The following SYCP2 variants were observed in gnomAD, a reference collection of about 807,000 sequenced individuals.
SYCP2 encodes the protein synaptonemal complex protein 2.
In SYCP2, 55 loss-of-function variants were observed where a neutral mutation model predicts 211.3. The observed-to-expected ratio is 0.26, with a 90% CI of 0.21 to 0.33. The LOEUF (loss-of-function observed/expected upper bound fraction) is 0.33. Ranked by LOEUF, SYCP2 falls within the 10% of genes least tolerant of loss-of-function variation. The probability of loss-of-function intolerance (pLI) is 1.00; values close to 1 mark genes in which losing one functional copy is unlikely to be tolerated. For missense variants in SYCP2, 1,731 were observed against 1,752.0 expected (o/e 0.99, Z 0.21); for synonymous variants, 570 against 555.2 (o/e 1.03, Z -0.37).
At chr20:59,927,180 C>A (rs2060648815) in intron 2 of SYCP2, among the ~76,000 whole-genome samples, 1 of 152,082 alleles carries the variant, frequency 6.6e-6, no homozygotes, top group African/African-American at 2.4e-5. Flanking sequence ...GGCCTTTAGA[C>A]TTTTAAATTC....
intron 2 of SYCP2, among the ~76,000 whole-genome samples, chr20:59,929,172 G>A (rs141014416): frequency 7.0e-4 from 107 of 152,172 alleles, no homozygotes; most frequent in African/African-American, 2.5e-3. Flanking sequence ...CTACCTCCAT[G>A]GTAATCAGAA....
chr20:59,900,660 C>A, intron 17 of SYCP2, 84 bp downstream of exon 17: 1 of 1,002,118 alleles, frequency 1.0e-6, no homozygotes, highest in Middle Eastern at 2.1e-4. Flanking sequence ...ATATATTCAC[C>A]CTCCAACAAC....
At chr20:59,932,673 C>CG (rs954333296) in intron 1 of SYCP2, among the ~76,000 whole-genome samples, 7 of 151,744 alleles carry the variant, frequency 4.6e-5, no homozygotes, top group Non-Finnish European at 1.0e-4. Context: ...GACTCCGTCT[C>CG]GGGAAAAAAA....
intron 14 of SYCP2, among the ~76,000 whole-genome samples, chr20:59,910,505 C>T (rs1015269862): frequency 8.0e-5 from 12 of 150,914 alleles, no homozygotes; most frequent in African/African-American, 1.2e-4. Context: ...CTCAACCTCC[C>T]GAGCAGCTGG....
In SYCP2 at chr20:59,901,654, A is replaced by G. The variant is rs1210762616; in HGVS notation, c.1182+8T>C. ...AATAGTAAATATTTATTAAGTTTAA[A>G]GACTTACCCTATGTTTAGTTGCACC... is the stretch of plus-strand genomic sequence containing the variant. On this transcript the variant is annotated splice_region_variant and intron_variant, in intron 16 of 44. Transcript: ENST00000357552. 6.9e-7 allele frequency: 1 copy of G among 1,456,694 alleles called. No individual in the cohort carries two copies. Among genetic ancestry groups the G allele is most frequent in the South Asian group, 1.3e-5 (1 of 77,438 alleles). 90.2% of individuals were successfully genotyped at this position (1,456,694 alleles called of 1,614,324 possible). A position where few individuals can be genotyped will look rare whatever the true frequency, so the allele number is the denominator to read the frequency against.
At chr20:59,879,822 AATATATATATATATATATATATATAT>A (rs1159547809) in intron 31 of SYCP2, among the ~76,000 whole-genome samples, 4 of 51,086 alleles carry the variant, frequency 7.8e-5, no homozygotes, top group Non-Finnish European at 1.3e-4. Flanking sequence ...AATATAAATA[AATATATATATATATATATATATATAT>A]ATATATATAT....
chr20:59,889,590 C>T (rs1407403767), intron 24 of SYCP2, among the ~76,000 whole-genome samples: 1 of 151,898 alleles, frequency 6.6e-6, no homozygotes, highest in Admixed American at 6.6e-5. Context: ...ACAAAATTTA[C>T]TATTTTAACC....
chr20:59,906,998 G>A (rs559775082), intron 15 of SYCP2, among the ~76,000 whole-genome samples: 3 of 152,260 alleles, frequency 2.0e-5, no homozygotes, highest in Admixed American at 2.0e-4. Flanking sequence ...ATCTAAATTT[G>A]TAATAGTACT....
At chr20:59,926,608 G>C (rs997352236) in intron 2 of SYCP2, among the ~76,000 whole-genome samples, 1 of 151,992 alleles carries the variant, frequency 6.6e-6, no homozygotes, top group Non-Finnish European at 1.5e-5. Flanking sequence ...TTCCAGAAAA[G>C]GTCACATTCT....
rs559349639 is a variant in SYCP2, at chr20:59,869,494, A to C, written c.3741+304T>G. The stretch of plus-strand genomic sequence containing the variant: ...GGCTTTTATGCTGGCAGGAAGTTCA[A>C]CCAAATACCTATATATTCACGAAAC... On this transcript the variant is annotated intron_variant, in intron 36 of 44. Coordinates refer to ENST00000357552, the MANE Select transcript of SYCP2 (RefSeq NM_014258.4). Among the ~76,000 whole-genome samples the C allele has an allele frequency of 2.6e-5, 4 of 151,824 alleles. No individual in the cohort carries two copies. In the East Asian group the frequency reaches 7.7e-4, roughly 29 times the overall value.
At chr20:59,909,595 T>C (rs79127635) in intron 14 of SYCP2, among the ~76,000 whole-genome samples, 2,558 of 152,322 alleles carry the variant, frequency 0.017, 83 homozygotes, top group African/African-American at 0.058. Flanking sequence ...TAGTTCTCAA[T>C]AGATATTCAT....
At chr20:59,867,040 C>G (rs905236908) in intron 39 of SYCP2, among the ~76,000 whole-genome samples, 6 of 67,336 alleles carry the variant, frequency 8.9e-5, no homozygotes, top group Non-Finnish European at 1.6e-4. Context: ...AAAAAAGAAA[C>G]AGAAAAAACA....
intron 2 of SYCP2, among the ~76,000 whole-genome samples, chr20:59,926,550 T>C (rs1339055301): frequency 6.6e-6 from 1 of 152,062 alleles, no homozygotes; most frequent in Non-Finnish European, 1.5e-5. Flanking sequence ...CCTAATAACT[T>C]AAATAATAAG....
chr20:59,865,999 TAAAC>T (rs1267468891), intron 41 of SYCP2, 134 bp from the exon 42 acceptor site: 1 of 448,738 alleles, frequency 2.2e-6, no homozygotes. Context: ...CAAATTTAAA[TAAAC>T]AGTATGGCTA....
At chr20:59,872,291 G>A (rs1051187023) in intron 35 of SYCP2, among the ~76,000 whole-genome samples, 3 of 151,806 alleles carry the variant, frequency 2.0e-5, no homozygotes, top group African/African-American at 7.3e-5. Context: ...TCTGGCCATC[G>A]GGTTGTCCTG....
At position 59,892,283 on chromosome 20, in the gene SYCP2, T is replaced by G; in HGVS notation, c.2071A>C (p.Lys691Gln). 6.2e-7 allele frequency: 1 copy of G among 1,612,622 alleles called. No individual in the cohort carries two copies. Among genetic ancestry groups the G allele is most frequent in the Non-Finnish European group, 8.5e-7 (1 of 1,179,126 alleles). ...TGATTTTGTTGCTGATTGTGTTTCT[T>G]GCAAACTTCTACTTCTGCTTTATCT... ...KIDKAEVEVC[K>Q]KHNQQQNHPK... The change falls in exon 24 of 45, where the codon AAG becomes CAG. Residue 691 changes from lysine to glutamine, a missense_variant. Around this residue, in one of 3 missense-constraint regions of SYCP2, gnomAD observed 1,387 missense variants for 1,351.3 expected, o/e 1.03. Transcript: ENST00000357552.
intron 2 of SYCP2, among the ~76,000 whole-genome samples, chr20:59,923,879 C>A (rs6071030): frequency 0.047 from 7,063 of 151,842 alleles, 253 homozygotes; most frequent in African/African-American, 0.099. Flanking sequence ...GAAAAACAGA[C>A]AACACAAAGT....
chr20:59,918,104 G>C (rs746091014), intron 7 of SYCP2, among the ~76,000 whole-genome samples: 1 of 152,132 alleles, frequency 6.6e-6, no homozygotes, highest in Non-Finnish European at 1.5e-5. Context: ...CAATGGCAGT[G>C]GGGTTTTATT....
chr20:59,931,793 A>G (rs2060747589), intron 2 of SYCP2, among the ~76,000 whole-genome samples: 1 of 147,940 alleles, frequency 6.8e-6, no homozygotes, highest in South Asian at 2.2e-4. Context: ...TAATCAGGTT[A>G]CACACACACA....
Sources: gnomAD v4.1 joint callset for allele counts (sites outside exome capture counted in the v4.1 genomes callset) on GRCh38, gnomAD v4.1.1 for gene constraint, gnomAD v4.1.1 regional missense constraint, MANE v1.5 for transcripts, NCBI Gene and HGNC (gene_info 2026-07-23, HGNC 2026-07-21) for gene names.